SCN3A: variants seen among roughly 807,000 people sequenced by gnomAD.
SCN3A encodes sodium channel protein type 3 subunit alpha.
Under a neutral mutation model 187.6 loss-of-function variants are expected in SCN3A, and 60 were observed. The ratio of observed to expected loss-of-function variants is 0.32; its 90% CI spans 0.26 to 0.40. The LOEUF (loss-of-function observed/expected upper bound fraction) is 0.40, where lower values mean the gene tolerates loss of function less well. Among genes scored for constraint, SCN3A ranks in the 10% least tolerant of loss-of-function variants. The pLI is 1.00. For missense variants in SCN3A, 1,601 were observed against 2,428.2 expected (o/e 0.66, Z 7.16); for synonymous variants, 788 against 829.2 (o/e 0.95, Z 0.85).
At chr2:165,094,773 C>T (rs950477041) in intron 25 of SCN3A, among the ~76,000 whole-genome samples, 3 of 152,108 alleles carry the variant, frequency 2.0e-5, no homozygotes, top group Non-Finnish European at 4.4e-5. Context: ...TTTCTTAGTC[C>T]ATTTCACTGC....
rs148451005 is a variant in SCN3A, at chr2:165,117,324, A to T, written c.3394-1749T>A. ...TTTTTTGTCCTCTTGGCTAATCCAA[A>T]CTTAATAACTTCTGAGCCTTATCAT... is the stretch of plus-strand genomic sequence containing the variant. On this transcript the variant is annotated intron_variant, in intron 18 of 27. Coordinates refer to ENST00000283254, the MANE Select transcript of SCN3A (RefSeq NM_006922.4). 6.6e-3 allele frequency among the ~76,000 whole-genome samples: 1,002 copies of T among 152,200 alleles called. 18 individuals carry two copies. The highest frequency in any genetic ancestry group is 0.022 in the African/African-American group (907 of 41,532).
chr2:165,120,313 C>G (rs1368416073), intron 18 of SCN3A, among the ~76,000 whole-genome samples: 1 of 151,612 alleles, frequency 6.6e-6, no homozygotes, highest in Admixed American at 6.6e-5. Flanking sequence ...AGTTAACACC[C>G]AAAAAAGGCC....
intron 9 of SCN3A, among the ~76,000 whole-genome samples, chr2:165,157,995 C>T (rs1330109821): frequency 2.0e-5 from 3 of 152,076 alleles, no homozygotes; most frequent in African/African-American, 7.2e-5. Flanking sequence ...ATTTCTGCCG[C>T]AGTCCTAGAA....
At chr2:165,156,997 G>T (rs887455614) in intron 9 of SCN3A, among the ~76,000 whole-genome samples, 1 of 151,672 alleles carries the variant, frequency 6.6e-6, no homozygotes, top group Non-Finnish European at 1.5e-5. Flanking sequence ...TGCAAGCTCC[G>T]CCTCCCAGGT....
intron 21 of SCN3A, among the ~76,000 whole-genome samples, chr2:165,102,991 T>TA (rs1389615223): frequency 1.3e-5 from 2 of 152,236 alleles, no homozygotes; most frequent in African/African-American, 4.8e-5. Context: ...CAAATTACGA[T>TA]AAGATTATCA....
In SCN3A at chr2:165,088,174, A is replaced by G. The variant is rs1260356631; in HGVS notation, c.*1976T>C. ...AAATGAAATTTATTCTTTTGGCTCA[A>G]TAATGACGTAGCTCACCATTCTTTT... is the stretch of plus-strand genomic sequence containing the variant. On this transcript the variant is annotated 3_prime_UTR_variant, in exon 28 of 28. Transcript: ENST00000283254. The G allele has an allele frequency of 6.6e-6, 1 of 152,608 alleles. No homozygotes were observed. Among genetic ancestry groups the G allele is most frequent in the Non-Finnish European group, 1.5e-5 (1 of 67,988 alleles). 9.5% of individuals were successfully genotyped at this position (152,608 alleles called of 1,614,324 possible).
At chr2:165,161,137 CT>C (rs61608647) in intron 9 of SCN3A, among the ~76,000 whole-genome samples, 7,278 of 92,888 alleles carry the variant, frequency 0.078, 50 homozygotes, top group African/African-American at 0.099. Flanking sequence ...TTCTTTCTTT[CT>C]TTTTTTTTTT....
At chr2:165,102,171 G>T (rs934874620) in intron 21 of SCN3A, among the ~76,000 whole-genome samples, 9 of 152,208 alleles carry the variant, frequency 5.9e-5, no homozygotes, top group African/African-American at 1.7e-4. Context: ...AAGGGACGTG[G>T]CTGCAAATTT....
rs1307818555 is a variant in SCN3A at position 165,097,478 on chromosome 2, A to G, written c.4013T>C (p.Val1338Ala). 6.2e-7 allele frequency: 1 copy of G among 1,614,160 alleles called. No individual in the cohort carries two copies. The highest frequency in any genetic ancestry group is 1.7e-5 in the Admixed American group (1 of 60,016). Reference sequence around the variant, plus strand: ...CCAGAAGATGAGACAGACCAACAGCACATTCATGATAGAGGGAATTGCTCC... The same window carrying G: ...CCAGAAGATGAGACAGACCAACAGCGCATTCATGATAGAGGGAATTGCTCC... ...LVGAIPSIMN[V>A]LLVCLIFWLI... The change falls in exon 23 of 28, where the codon GTG becomes GCG. Residue 1338 changes from valine (V) to alanine (A), a missense_variant. By Grantham distance (64) the Val-to-Ala change is moderately conservative. Coordinates refer to ENST00000283254, the MANE Select transcript of SCN3A (RefSeq NM_006922.4).
chr2:165,134,411 A>G (rs753159316), intron 15 of SCN3A, among the ~76,000 whole-genome samples: 2 of 152,162 alleles, frequency 1.3e-5, no homozygotes, highest in African/African-American at 2.4e-5. Flanking sequence ...AATTCTGTCA[A>G]AATAACAGTA....
chr2:165,168,763 T>C lies in SCN3A; in HGVS notation c.446A>G (p.Asn149Ser). The C allele has an allele frequency of 6.2e-7, 1 of 1,611,896 alleles. No individual in the cohort carries two copies. The highest frequency in any genetic ancestry group is 1.3e-5 in the African/African-American group (1 of 74,946). The stretch of plus-strand genomic sequence containing the variant: ...TACATTCTTTGTCCAGTCAGGAGGG[T>C]TGCTCAAGGTCATAAATACACAGTT... ...LTNCVFMTLS[N>S]PPDWTKNVEY... Residue 149 changes from asparagine to serine, a missense_variant, in exon 5 of 28, where the codon AAC (asparagine) becomes AGC (serine). Transcript: ENST00000283254.
At chr2:165,186,012 CTGTA>C (rs1193429456) in intron 2 of SCN3A, among the ~76,000 whole-genome samples, 1 of 152,094 alleles carries the variant, frequency 6.6e-6, no homozygotes, top group East Asian at 1.9e-4. Context: ...TGGCTCACAC[CTGTA>C]ATCCCAGCAC....
chr2:165,123,419 CAG>C (rs1329300160), intron 18 of SCN3A, among the ~76,000 whole-genome samples: 1 of 151,984 alleles, frequency 6.6e-6, no homozygotes, highest in Non-Finnish European at 1.5e-5. Context: ...TGAAAATGAA[CAG>C]AGGAAATACA....
chr2:165,131,595 T>A (rs932063787), intron 15 of SCN3A, among the ~76,000 whole-genome samples, 178 bp from the exon 16 acceptor site: 2 of 151,578 alleles, frequency 1.3e-5, no homozygotes, highest in African/African-American at 2.4e-5. Flanking sequence ...TTTATTTTTA[T>A]TTATTTTATT....
intron 15 of SCN3A, among the ~76,000 whole-genome samples, chr2:165,133,574 C>T (rs1687487106): frequency 6.6e-6 from 1 of 151,628 alleles, no homozygotes; most frequent in Non-Finnish European, 1.5e-5. Flanking sequence ...GAACTCCTGA[C>T]CTCAAGTGAT....
At chr2:165,162,469 AG>A (rs1689467112) in intron 8 of SCN3A, 86 bp downstream of exon 8, 1 of 1,587,368 alleles carries the variant, frequency 6.3e-7, no homozygotes, top group African/African-American at 1.3e-5. Flanking sequence ...TTATTTACAA[AG>A]GTGGCTGTAC....
intron 21 of SCN3A, among the ~76,000 whole-genome samples, chr2:165,100,626 A>C (rs1279219732): frequency 6.6e-6 from 1 of 152,098 alleles, no homozygotes; most frequent in Admixed American, 6.6e-5. Flanking sequence ...AAACCAGAAT[A>C]CTTGCCCATA....
intron 8 of SCN3A, 43 bp downstream of exon 8, chr2:165,162,513 T>C (rs1689471278): frequency 6.2e-7 from 1 of 1,612,290 alleles, no homozygotes; most frequent in African/African-American, 1.3e-5. Context: ...AGTTGAAAAT[T>C]CATTCAGCAA....
chr2:165,127,314 G>C (rs1687054665), intron 18 of SCN3A, among the ~76,000 whole-genome samples: 1 of 152,006 alleles, frequency 6.6e-6, no homozygotes, highest in African/African-American at 2.4e-5. Flanking sequence ...TGCCTCCTTG[G>C]CCTCCCAAAG....
Sources: gnomAD v4.1 joint callset for allele counts (sites outside exome capture counted in the v4.1 genomes callset) on GRCh38, gnomAD v4.1.1 for gene constraint, MANE v1.5 for transcripts, NCBI Gene and HGNC (gene_info 2026-07-23, HGNC 2026-07-21) for gene names.